CDC42BPG: variants seen among roughly 807,000 people sequenced by gnomAD.
The protein encoded by CDC42BPG is serine/threonine-protein kinase MRCK gamma.
Under a neutral mutation model 192.2 loss-of-function variants are expected in CDC42BPG, and 157 were observed. The observed-to-expected ratio is 0.82, with a 90% CI of 0.72 to 0.93. The LOEUF is 0.93. Among genes scored for constraint, CDC42BPG ranks in the 40% least tolerant of loss-of-function variants. The probability of loss-of-function intolerance (pLI) is 0.00; values close to 1 mark genes in which losing one functional copy is unlikely to be tolerated. For missense variants in CDC42BPG, 1,992 were observed against 2,122.1 expected, an observed-to-expected ratio of 0.94 and a Z score of 1.20; for synonymous variants, 981 against 918.5, an observed-to-expected ratio of 1.07 and a Z score of -1.23.
In CDC42BPG at chr11:64,835,541, C is replaced by T. The variant is rs1386783438; in HGVS notation, c.1839G>A (p.Val613=). ...GPQEAQLRKE[V]AALREQLEQA... ...GCTCCAGCTGCTCTCGCAGGGCGGC[C>T]ACCTCCTTCCTCAGTTGGGCCTCCT... is the stretch of plus-strand genomic sequence containing the variant. The change falls in exon 15 of 37, where the codon GTG becomes GTA. Residue 613 remains valine, a synonymous_variant. Coordinates refer to ENST00000342711, the MANE Select transcript of CDC42BPG (RefSeq NM_017525.3). 2 of 1,592,880 alleles carry T rather than the reference C, an allele frequency of 1.3e-6. No individual in the cohort carries two copies. The highest frequency in any genetic ancestry group is 2.2e-5 in the East Asian group (1 of 44,748).
intron 6 of CDC42BPG, 88 bp downstream of exon 6, chr11:64,839,390 C>A: frequency 6.6e-7 from 1 of 1,507,528 alleles, no homozygotes. Context: ...GGGCCTGATG[C>A]CTCTGCACTA....
Position 64,834,291 on chromosome 11 carries a change from C to T in CDC42BPG, c.2388G>A (p.Glu796=), listed in dbSNP as rs776712396. 6.3e-7 allele frequency: 1 copy of T among 1,578,708 alleles called. No individual in the cohort carries two copies. Among genetic ancestry groups the T allele is most frequent in the Non-Finnish European group, 8.6e-7 (1 of 1,167,590 alleles). Residue 796 remains glutamate, a synonymous_variant, in exon 20 of 37, where the codon GAG becomes GAA. Transcript: ENST00000342711. ...CCACTGGCCCTCGGGCCCGCAGCTC[C>T]TCCCGCAGCATGGCGAGCTCCTGTT... ...ALQQELAMLR[E]ELRARGPVDT...
intron 1 of CDC42BPG, 66 bp downstream of exon 1, chr11:64,844,344 C>T: frequency 1.6e-6 from 2 of 1,287,046 alleles, no homozygotes; most frequent in South Asian, 2.0e-5. Flanking sequence ...GGAAAGTCTG[C>T]GGGTGCGGGG....
At position 64,833,213 on chromosome 11, in the gene CDC42BPG, G is replaced by T; in HGVS notation, c.2731+18C>A. 6.6e-7 allele frequency: 1 copy of T among 1,525,414 alleles called. No homozygotes were observed. Among genetic ancestry groups the T allele is most frequent in the Non-Finnish European group, 8.9e-7 (1 of 1,124,924 alleles). The allele number at this position is 1,525,414 out of a possible 1,614,324, so 94.5% of individuals were successfully genotyped here. The stretch of plus-strand genomic sequence containing the variant: ...CACCTGGGACCGTGGCTGGAGCATA[G>T]TGGGTGGGGACTCTCACCATCACAA... On this transcript the variant is annotated intron_variant, in intron 24 of 36. Coordinates refer to ENST00000342711, the MANE Select transcript of CDC42BPG (RefSeq NM_017525.3).
chr11:64,836,825 G>C lies in CDC42BPG; in HGVS notation c.1304-6C>G, dbSNP rs749293082. ...TGTGGGGGCGTGCAGGGCCTCTGGA[G>C]GGGAGGTGGTACCCACAGGTGAGTC... On this transcript the variant is annotated splice_region_variant and splice_polypyrimidine_tract_variant and intron_variant, in intron 10 of 36. Coordinates refer to ENST00000342711, the MANE Select transcript of CDC42BPG (RefSeq NM_017525.3). The C allele has an allele frequency of 6.2e-7, 1 of 1,609,548 alleles. No individual in the cohort carries two copies. Among genetic ancestry groups the C allele is most frequent in the Non-Finnish European group, 8.5e-7 (1 of 1,177,788 alleles).
chr11:64,836,578 C>T (rs1465893021), intron 11 of CDC42BPG, 48 bp from the exon 12 acceptor site: 3 of 1,547,150 alleles, frequency 1.9e-6, no homozygotes, highest in Non-Finnish European at 2.7e-6. Flanking sequence ...GCCCCAGCCT[C>T]TCAGCCCAGG....
In CDC42BPG at chr11:64,826,732, G is replaced by A. The variant is rs1275855208; in HGVS notation, c.4452C>T (p.Ser1484=). ...GSGPQRPHSF[S]EALRRPASMG... ...TGGAGGCTGGGCGCCGCAACGCCTC[G>A]GAGAAGCTGTGGGGCCGCTGTGGGC... Residue 1484 remains serine (S), a synonymous_variant, in exon 35 of 37, where the codon TCC becomes TCT. Transcript: ENST00000342711. The A allele has an allele frequency of 2.6e-6, 4 of 1,547,898 alleles. No homozygotes were observed. The highest frequency in any genetic ancestry group is 2.3e-5 in the East Asian group (1 of 43,182).
Position 64,826,492 on chromosome 11 carries a change from CTCAGCGA to C in CDC42BPG, c.4570_4576del (p.Ser1524AlafsTer6). The C allele has an allele frequency of 6.2e-7, 1 of 1,601,802 alleles. No individual in the cohort carries two copies. The highest frequency in any genetic ancestry group is 8.5e-7 in the Non-Finnish European group (1 of 1,174,308). On this transcript the variant is annotated frameshift_variant, in exon 36 of 37. Coordinates refer to ENST00000342711, the MANE Select transcript of CDC42BPG (RefSeq NM_017525.3). LOFTEE classifies it high-confidence loss of function. Reference sequence around the variant, plus strand: ...CACCTGCATTAGGGAGGTTGCAGGGCTCAGCGATCCCTGGGGGCAGGACACAGACTCG... The same window carrying C: ...CACCTGCATTAGGGAGGTTGCAGGGCTCCCTGGGGGCAGGACACAGACTCG...
chr11:64,842,707 G>C lies in CDC42BPG; in HGVS notation c.161-803C>G, dbSNP rs150775657. Among the ~76,000 whole-genome samples, 21 of 152,168 alleles carry C rather than the reference G, an allele frequency of 1.4e-4. 1 individual carries two copies. The highest frequency in any genetic ancestry group is 6.5e-4 in the Admixed American group (10 of 15,274). The stretch of plus-strand genomic sequence containing the variant: ...TTCCTCACATCCCAGATACCTCCAG[G>C]AAGGGCAACTCCAGCCACTCCCAGG... On this transcript the variant is annotated intron_variant, in intron 1 of 36. Transcript: ENST00000342711.
In CDC42BPG at chr11:64,827,608, G is replaced by A. The variant is rs1480597328; in HGVS notation, c.4069C>T (p.Arg1357Trp). Residue 1357 changes from arginine (R) to tryptophan (W), a missense_variant, in exon 32 of 37, where the codon CGG becomes TGG. Physicochemically the swap from Arg to Trp is moderately radical, Grantham distance 101. Transcript: ENST00000342711. ...AGGGAGCCCTCTGGATTGAGGGGCC[G>A]CACCTGAGGCAGCAGGCACAGCGGT... ...WVQTVPLKKV[R>W]PLNPEGSLFL... The A allele has an allele frequency of 1.2e-6, 2 of 1,606,766 alleles. No individual in the cohort carries two copies. The highest frequency in any genetic ancestry group is 8.5e-7 in the Non-Finnish European group (1 of 1,174,950).
chr11:64,834,154 C>T, intron 20 of CDC42BPG, 112 bp downstream of exon 20: 2 of 1,385,610 alleles, frequency 1.4e-6, no homozygotes, highest in South Asian at 1.3e-5. Context: ...CGGCAGAGTC[C>T]AGGAACAGAC....
chr11:64,842,731 G>A (rs542959334), intron 1 of CDC42BPG, among the ~76,000 whole-genome samples: 2 of 152,182 alleles, frequency 1.3e-5, no homozygotes, highest in East Asian at 3.9e-4. Context: ...GCCACTCCCA[G>A]GCACTTTCCA....
At chr11:64,830,526 C>G in intron 28 of CDC42BPG, 1 of 556,042 alleles carries the variant, frequency 1.8e-6, no homozygotes, top group Non-Finnish European at 3.2e-6. Flanking sequence ...CTGGGGACAA[C>G]GATGGTACTT....
At chr11:64,843,371 G>A (rs2136431111) in intron 1 of CDC42BPG, among the ~76,000 whole-genome samples, 1 of 152,220 alleles carries the variant, frequency 6.6e-6, no homozygotes, top group East Asian at 1.9e-4. Context: ...CAGGCAGACA[G>A]GCATAGCACG....
intron 30 of CDC42BPG, among the ~76,000 whole-genome samples, chr11:64,828,579 C>G (rs559523925): frequency 2.0e-5 from 3 of 152,348 alleles, no homozygotes; most frequent in Admixed American, 6.5e-5. Context: ...CCTACCAGCT[C>G]CAGGCCCTGA....
chr11:64,839,160 T>C lies in CDC42BPG; in HGVS notation c.749A>G (p.Lys250Arg), dbSNP rs1943163459. The C allele has an allele frequency of 6.2e-7, 1 of 1,613,372 alleles. No homozygotes were observed. The highest frequency in any genetic ancestry group is 8.5e-7 in the Non-Finnish European group (1 of 1,180,040). Residue 250 changes from lysine to arginine, a missense_variant, in exon 7 of 37, where the codon AAG (lysine) becomes AGG (arginine). This residue lies in a region of CDC42BPG where 1,656 missense variants were observed against 1,844.3 expected (regional missense o/e 0.90). Coordinates refer to ENST00000342711, the MANE Select transcript of CDC42BPG (RefSeq NM_017525.3). ...GTCACACTGTGGGCCGTAGTGGCCC[T>C]TGCCCTCCTCCATGGCCTGCAGGAT... is the stretch of plus-strand genomic sequence containing the variant. ...PEILQAMEEG[K>R]GHYGPQCDWW...
Position 64,827,341 on chromosome 11 carries a change from C to T in CDC42BPG, c.4208G>A (p.Arg1403His), listed in dbSNP as rs1424452327. The change falls in exon 33 of 37, where the codon CGC becomes CAC. Residue 1403 changes from arginine to histidine, a missense_variant. Physicochemically the swap from Arg to His is conservative, Grantham distance 29. This residue lies in a region of CDC42BPG where 336 missense variants were observed against 277.9 expected (regional missense o/e 1.21). Transcript: ENST00000342711. Reference sequence around the variant, plus strand: ...AAAGAAGCGGCGCTTGCTCTTGGTGCGGAACAGCTGGCGCCGGCTGTTGTC... The same window carrying T: ...AAAGAAGCGGCGCTTGCTCTTGGTGTGGAACAGCTGGCGCCGGCTGTTGTC... ...LTDNSRRQLF[R>H]TKSKRRFFFR... 10 of 1,613,922 alleles carry T rather than the reference C, an allele frequency of 6.2e-6. No individual in the cohort carries two copies. Among genetic ancestry groups the T allele is most frequent in the Non-Finnish European group, 8.5e-6 (10 of 1,179,972 alleles).
rs1337027854 is a variant in CDC42BPG at position 64,823,987 on chromosome 11, T to G, written c.*486A>C. ...CGCCTACATCCTTTCCCTCCTTCTC[T>G]ATCTTCCCTTCTTCTGGATCACAGC... On this transcript the variant is annotated 3_prime_UTR_variant, in exon 37 of 37. Transcript: ENST00000342711. 2 of 180,496 alleles carry G rather than the reference T, an allele frequency of 1.1e-5. No individual in the cohort carries two copies. The highest frequency in any genetic ancestry group is 4.8e-5 in the African/African-American group (2 of 41,602). 11.2% of individuals were successfully genotyped at this position (180,496 alleles called of 1,614,324 possible).
chr11:64,835,161 C>T lies in CDC42BPG; in HGVS notation c.1954-8G>A, dbSNP rs754353568. The T allele has an allele frequency of 3.4e-5, 55 of 1,601,780 alleles. No individual in the cohort carries two copies. The highest frequency in any genetic ancestry group is 4.5e-5 in the Non-Finnish European group (53 of 1,179,808). The stretch of plus-strand genomic sequence containing the variant: ...GGCCAGCTCTGCTTCTAGCTGGGGC[C>T]GGCCAGAGGAAAGGTCAGCCCCAGG... On this transcript the variant is annotated splice_region_variant and splice_polypyrimidine_tract_variant and intron_variant, in intron 16 of 36. Transcript: ENST00000342711.
Sources: allele counts gnomAD v4.1 joint callset (sites outside exome capture counted in the v4.1 genomes callset), GRCh38; gene constraint gnomAD v4.1.1; regional missense constraint gnomAD v4.1.1; transcripts MANE v1.5; gene names NCBI Gene and HGNC (gene_info 2026-07-23, HGNC 2026-07-21).